The following SPTLC1 variants were observed in gnomAD, a reference collection of about 807,000 sequenced individuals.
SPTLC1 encodes serine palmitoyltransferase 1.
Under a neutral mutation model 68.9 loss-of-function variants are expected in SPTLC1, and 55 were observed. The observed-to-expected ratio is 0.80, with a 90% CI of 0.64 to 1.00. The LOEUF (loss-of-function observed/expected upper bound fraction) is 1.00. Among genes scored for constraint, SPTLC1 ranks in the 50% least tolerant of loss-of-function variants. The pLI is 0.00. For missense variants in SPTLC1, 449 were observed against 573.1 expected (o/e 0.78, Z 2.21); for synonymous variants, 197 against 201.6 (o/e 0.98, Z 0.19).
chr9:92,045,594 C>T (rs1419088926), intron 12 of SPTLC1, among the ~76,000 whole-genome samples: 1 of 111,130 alleles, frequency 9.0e-6, no homozygotes. Flanking sequence ...TGTGTTAAAA[C>T]TTAGTAATTT....
At chr9:92,068,692 T>C (rs10820936) in intron 5 of SPTLC1, among the ~76,000 whole-genome samples, 49,957 of 152,092 alleles carry the variant, frequency 0.33, 11,210 homozygotes, top group African/African-American at 0.63. Flanking sequence ...ATAGATGCAC[T>C]GTAAGGAGGA....
chr9:92,089,914 A>G lies in SPTLC1; in HGVS notation c.261-8951T>C, dbSNP rs918071496. ...GTCTCCCCATAACACAGGCCAGGCCATGATGAAGAAATTCTCCAAGGCTGC... is the reference window on the plus strand; with the variant it reads ...GTCTCCCCATAACACAGGCCAGGCCGTGATGAAGAAATTCTCCAAGGCTGC... On this transcript the variant is annotated intron_variant, in intron 3 of 14. Coordinates refer to ENST00000262554, the MANE Select transcript of SPTLC1 (RefSeq NM_006415.4). 3.9e-5 allele frequency among the ~76,000 whole-genome samples: 6 copies of G among 152,258 alleles called. No individual in the cohort carries two copies. In the East Asian group the frequency reaches 9.6e-4, roughly 24 times the overall value.
At chr9:92,098,291 ACCTATCCCGCC>A (rs938577588) in intron 3 of SPTLC1, among the ~76,000 whole-genome samples, 99 of 151,896 alleles carry the variant, frequency 6.5e-4, no homozygotes, top group African/African-American at 1.8e-3. Flanking sequence ...ACGAAACTCA[ACCTATCCCGCC>A]CCTACCCCGC....
intron 12 of SPTLC1, among the ~76,000 whole-genome samples, chr9:92,044,754 C>T (rs1486427436): frequency 6.6e-6 from 1 of 152,136 alleles, no homozygotes; most frequent in Non-Finnish European, 1.5e-5. Context: ...GGAGGGAAGA[C>T]TGGTTCAGAT....
intron 3 of SPTLC1, among the ~76,000 whole-genome samples, chr9:92,106,755 C>T (rs1836010126): frequency 6.6e-6 from 1 of 152,156 alleles, no homozygotes; most frequent in South Asian, 2.1e-4. Flanking sequence ...GGGGGTTCCA[C>T]CTAATGAGAA....
At chr9:92,060,419 G>A (rs1254570569) in intron 6 of SPTLC1, among the ~76,000 whole-genome samples, 1 of 152,142 alleles carries the variant, frequency 6.6e-6, no homozygotes, top group Non-Finnish European at 1.5e-5. Context: ...ATATTTTAAT[G>A]AGCCACCATG....
At chr9:92,033,505 C>T (rs186142536) in intron 14 of SPTLC1, among the ~76,000 whole-genome samples, 2 of 152,324 alleles carry the variant, frequency 1.3e-5, no homozygotes, top group Admixed American at 1.3e-4. Flanking sequence ...GCACGGCTCC[C>T]GTCCTCATGC....
chr9:92,081,506 G>A (rs978126346), intron 3 of SPTLC1, among the ~76,000 whole-genome samples: 3 of 152,194 alleles, frequency 2.0e-5, no homozygotes, highest in Middle Eastern at 3.2e-3. Flanking sequence ...GGGGAGCGGG[G>A]AGAATGTGGG....
Position 92,052,533 on chromosome 9 carries a change from TA to T in SPTLC1, c.781-2467del, listed in dbSNP as rs200520753. The stretch of plus-strand genomic sequence containing the variant: ...TGGATTAAACAAAGATTATTATTAT[TA>T]TTTTTTTTTTTTTGAGACAGAGTCT... On this transcript the variant is annotated intron_variant, in intron 8 of 14. Coordinates refer to ENST00000262554, the MANE Select transcript of SPTLC1 (RefSeq NM_006415.4). Among the ~76,000 whole-genome samples the T allele has an allele frequency of 6.1e-4, 92 of 150,944 alleles. 1 individual carries two copies. The highest frequency in any genetic ancestry group is 7.9e-4 in the Admixed American group (12 of 15,138).
In SPTLC1 at chr9:92,071,908, T is replaced by C. The variant is rs79283693; in HGVS notation, c.428-3810A>G. On this transcript the variant is annotated intron_variant, in intron 5 of 14. Coordinates refer to ENST00000262554, the MANE Select transcript of SPTLC1 (RefSeq NM_006415.4). ...ACACATGACACTGTGCTCTGTAACC[T>C]TGTGATAATGTACCTTGTGACATTC... Among the ~76,000 whole-genome samples, 113 of 152,328 alleles carry C rather than the reference T, an allele frequency of 7.4e-4. No homozygotes were observed. In the East Asian group the frequency reaches 0.016, roughly 21 times the overall value.
At chr9:92,076,014 C>CA (rs1834672024) in intron 5 of SPTLC1, among the ~76,000 whole-genome samples, 1 of 152,204 alleles carries the variant, frequency 6.6e-6, no homozygotes, top group African/African-American at 2.4e-5. Context: ...GCTGGATAGG[C>CA]CATTGTGTCT....
chr9:92,088,622 A>T (rs905609704), intron 3 of SPTLC1, among the ~76,000 whole-genome samples: 5 of 152,254 alleles, frequency 3.3e-5, no homozygotes, highest in African/African-American at 1.2e-4. Flanking sequence ...AAACGTTGAG[A>T]CCATTCTATA....
intron 3 of SPTLC1, among the ~76,000 whole-genome samples, chr9:92,100,814 C>T (rs1835720270): frequency 6.7e-6 from 1 of 149,846 alleles, no homozygotes; most frequent in Non-Finnish European, 1.5e-5. Context: ...TCACAGGTAT[C>T]ACCAAAATGG....
At chr9:92,091,311 T>C (rs1835352666) in intron 3 of SPTLC1, among the ~76,000 whole-genome samples, 1 of 152,088 alleles carries the variant, frequency 6.6e-6, no homozygotes, top group Admixed American at 6.5e-5. Context: ...GAACCACAAA[T>C]ACTGAATGAG....
rs1554706531 is a variant in SPTLC1, at chr9:92,047,678, T to C, written c.919A>G (p.Met307Val). The change falls in exon 10 of 15, where the codon ATG (methionine) becomes GTG (valine). Residue 307 changes from methionine (M) to valine (V), a missense_variant. By Grantham distance (21) the Met-to-Val change is conservative. Transcript: ENST00000262554. ...CCAATAGAAGCAAGTGCATTCTCCA[T>C]GTTGGCACTGATAAGATCAATATCA... ...IDDIDLISANMENALASIGGF... is the reference protein window; with the variant it reads ...IDDIDLISANVENALASIGGF... 1 of 1,613,384 alleles carries C rather than the reference T, an allele frequency of 6.2e-7. No homozygotes were observed. Among genetic ancestry groups the C allele is most frequent in the African/African-American group, 1.3e-5 (1 of 75,024 alleles).
At chr9:92,079,357 T>C (rs910369573) in intron 5 of SPTLC1, 17 of 1,428,284 alleles carry the variant, frequency 1.2e-5, no homozygotes, top group Non-Finnish European at 1.6e-5. Flanking sequence ...ATTACAGGCA[T>C]GAGCCACCAT....
chr9:92,075,699 C>T (rs1458941338), intron 5 of SPTLC1, among the ~76,000 whole-genome samples: 1 of 152,196 alleles, frequency 6.6e-6, no homozygotes, highest in Non-Finnish European at 1.5e-5. Context: ...CCTTTTATAG[C>T]ACTCACAACC....
At chr9:92,102,616 C>T (rs1477322029) in intron 3 of SPTLC1, among the ~76,000 whole-genome samples, 7 of 152,030 alleles carry the variant, frequency 4.6e-5, no homozygotes, top group African/African-American at 1.7e-4. Flanking sequence ...CATAACTATA[C>T]ATTTTTAAAT....
chr9:92,080,070 G>C lies in SPTLC1; in HGVS notation c.373C>G (p.Leu125Val), dbSNP rs1834825159. ...CAAGTCCCCACGCCATACTTCTTTA[G>C]AGATGCTAAAGCTGCTGCCTTTATT... is the stretch of plus-strand genomic sequence containing the variant. ...PRVKAAALASLKKYGVGTCGP... is the reference protein window; with the variant it reads ...PRVKAAALASVKKYGVGTCGP... The change falls in exon 5 of 15, where the codon CTA becomes GTA. Residue 125 changes from leucine (L) to valine (V), a missense_variant. Leu to Val is a conservative substitution (Grantham distance 32). This residue lies in a region of SPTLC1 where 391 missense variants were observed against 472.1 expected (regional missense o/e 0.83). Transcript: ENST00000262554. 6.2e-7 allele frequency: 1 copy of C among 1,613,808 alleles called. No homozygotes were observed. Among genetic ancestry groups the C allele is most frequent in the South Asian group, 1.1e-5 (1 of 91,088 alleles).
Sources: gnomAD v4.1 joint callset for allele counts (sites outside exome capture counted in the v4.1 genomes callset) on GRCh38, gnomAD v4.1.1 for gene constraint, gnomAD v4.1.1 regional missense constraint, MANE v1.5 for transcripts, NCBI Gene and HGNC (gene_info 2026-07-23, HGNC 2026-07-21) for gene names.